Variants in TOX observed in about 807,000 individuals in gnomAD.
TOX encodes the protein thymocyte selection associated high mobility group box.
TOX carries 11 observed loss-of-function variants against 53.7 expected under a neutral mutation model. That is an observed-to-expected ratio of 0.20 (90% CI 0.13 to 0.34). The LOEUF is 0.34. TOX is among the 10% of genes least tolerant of loss of function. TOX has a pLI of 1.00. For missense variants in TOX, 570 were observed against 664.6 expected, an observed-to-expected ratio of 0.86 and a Z score of 1.56; for synonymous variants, 225 against 245.3, an observed-to-expected ratio of 0.92 and a Z score of 0.77.
At chr8:59,020,822 T>C (rs746867) in intron 1 of TOX, among the ~76,000 whole-genome samples, 32,528 of 152,116 alleles carry the variant, frequency 0.21, 3,686 homozygotes, top group East Asian at 0.3. Flanking sequence ...TTATCAAGTT[T>C]ACTTAAAGTT....
intron 1 of TOX, among the ~76,000 whole-genome samples, chr8:59,045,529 G>A (rs1803666245): frequency 6.6e-6 from 1 of 152,100 alleles, no homozygotes; most frequent in African/African-American, 2.4e-5. Context: ...TTGAATAATG[G>A]TACAGTCTAG....
rs527336980 is a variant in TOX, at chr8:58,998,961, C to T, written c.103-38953G>A. On this transcript the variant is annotated intron_variant, in intron 1 of 8. Coordinates refer to ENST00000361421, the MANE Select transcript of TOX (RefSeq NM_014729.3). The stretch of plus-strand genomic sequence containing the variant: ...TTTATTAATTCAGTTCAATCTGTTA[C>T]TTCCTAGAACTACCAAATGCTTTCT... Among the ~76,000 whole-genome samples, 20 of 152,260 alleles carry T rather than the reference C, an allele frequency of 1.3e-4. No homozygotes were observed. The South Asian group carries it at 4.1e-3, about 32-fold the overall frequency.
chr8:59,080,993 C>T (rs1169086519), intron 1 of TOX, among the ~76,000 whole-genome samples: 2 of 152,064 alleles, frequency 1.3e-5, no homozygotes, highest in African/African-American at 4.8e-5. Context: ...GATGTTGTAT[C>T]TGACAGTGTA....
intron 3 of TOX, among the ~76,000 whole-genome samples, chr8:58,922,405 C>T (rs978057273): frequency 1.3e-5 from 2 of 152,168 alleles, no homozygotes; most frequent in Non-Finnish European, 2.9e-5. Context: ...ATATGCATAC[C>T]TAACTCCTCC....
At chr8:59,063,754 A>C (rs1431947520) in intron 1 of TOX, among the ~76,000 whole-genome samples, 1 of 152,026 alleles carries the variant, frequency 6.6e-6, no homozygotes, top group African/African-American at 2.4e-5. Flanking sequence ...ATAGCTTTAA[A>C]CTTAATCTCA....
At chr8:58,935,591 G>T (rs960903920) in intron 3 of TOX, among the ~76,000 whole-genome samples, 3 of 152,118 alleles carry the variant, frequency 2.0e-5, no homozygotes, top group African/African-American at 7.2e-5. Context: ...CTTGGAAGGG[G>T]CACTGTCATT....
At chr8:58,842,767 A>T (rs1051925186) in intron 4 of TOX, among the ~76,000 whole-genome samples, 2 of 152,224 alleles carry the variant, frequency 1.3e-5, no homozygotes, top group Non-Finnish European at 1.5e-5. Context: ...CAATCATATG[A>T]AAACCACCAG....
intron 1 of TOX, among the ~76,000 whole-genome samples, chr8:59,017,178 T>C (rs924730249): frequency 6.6e-6 from 1 of 152,266 alleles, no homozygotes; most frequent in Admixed American, 6.5e-5. Flanking sequence ...ATTCCGCAAG[T>C]AGACCTTTAG....
At position 58,837,424 on chromosome 8, in the gene TOX, C is replaced by T. The variant is rs141891424; in HGVS notation, c.924+657G>A. On this transcript the variant is annotated intron_variant, in intron 5 of 8. Transcript: ENST00000361421. ...GCTCCATCCTCTCACTGAACCCTCA[C>T]TCTGTGACTCCAATCCTCTTTAAGA... 1.4e-4 allele frequency among the ~76,000 whole-genome samples: 21 copies of T among 152,288 alleles called. 1 individual carries two copies. In the East Asian group the frequency reaches 3.3e-3, roughly 24 times the overall value.
intron 1 of TOX, among the ~76,000 whole-genome samples, chr8:58,961,756 C>T (rs1477490001): frequency 7.1e-6 from 1 of 140,698 alleles, no homozygotes; most frequent in Non-Finnish European, 1.6e-5. Context: ...CAAAGCCTGC[C>T]TCAGCCTCCC....
At chr8:59,071,603 C>T (rs933874878) in intron 1 of TOX, among the ~76,000 whole-genome samples, 1 of 152,164 alleles carries the variant, frequency 6.6e-6, no homozygotes, top group Non-Finnish European at 1.5e-5. Context: ...CAAACTTCCA[C>T]ACACCATTTT....
chr8:58,939,214 A>T (rs1249447344), intron 3 of TOX, 88 bp downstream of exon 3: 4 of 1,509,546 alleles, frequency 2.6e-6, no homozygotes, highest in Non-Finnish European at 2.7e-6. Context: ...GAATGCTATT[A>T]TCACAATGCC....
At chr8:59,081,726 C>T (rs1804411481) in intron 1 of TOX, among the ~76,000 whole-genome samples, 1 of 152,152 alleles carries the variant, frequency 6.6e-6, no homozygotes, top group African/African-American at 2.4e-5. Context: ...GCACTAGCCT[C>T]CTTTGGCATC....
intron 1 of TOX, among the ~76,000 whole-genome samples, chr8:59,014,155 T>C (rs912207179): frequency 3.3e-5 from 5 of 152,214 alleles, no homozygotes; most frequent in African/African-American, 1.2e-4. Context: ...TATAAAACTA[T>C]TATCAGTATA....
At chr8:58,894,543 CTTGT>C (rs1811608734) in intron 3 of TOX, among the ~76,000 whole-genome samples, 1 of 152,088 alleles carries the variant, frequency 6.6e-6, no homozygotes, top group Non-Finnish European at 1.5e-5. Context: ...TTGATATTAG[CTTGT>C]TTGCTATTCA....
At chr8:59,094,593 T>G (rs919074881) in intron 1 of TOX, among the ~76,000 whole-genome samples, 24 of 151,560 alleles carry the variant, frequency 1.6e-4, no homozygotes, top group Non-Finnish European at 1.3e-4. Flanking sequence ...AATTATTATA[T>G]AATAATTATA....
intron 2 of TOX, among the ~76,000 whole-genome samples, chr8:58,940,657 T>C (rs1200590889): frequency 1.3e-5 from 2 of 152,148 alleles, no homozygotes; most frequent in African/African-American, 4.8e-5. Context: ...GATTCCCTTG[T>C]CTAACAGCCC....
intron 1 of TOX, among the ~76,000 whole-genome samples, chr8:59,075,132 C>G (rs910929104): frequency 2.0e-5 from 3 of 152,078 alleles, no homozygotes; most frequent in Non-Finnish European, 4.4e-5. Context: ...ATTTTTAACC[C>G]TCAAGGATCA....
chr8:58,988,090 T>A (rs551665736), intron 1 of TOX, among the ~76,000 whole-genome samples: 1 of 152,074 alleles, frequency 6.6e-6, no homozygotes, highest in Non-Finnish European at 1.5e-5. Context: ...AAAAATACTA[T>A]CTATAAAGTA....
Sources: gnomAD v4.1 joint callset for allele counts (sites outside exome capture counted in the v4.1 genomes callset) on GRCh38, gnomAD v4.1.1 for gene constraint, MANE v1.5 for transcripts, NCBI Gene and HGNC (gene_info 2026-07-23, HGNC 2026-07-21) for gene names.